Variants in TAB1 observed in about 807,000 individuals in gnomAD.
TAB1 encodes TGF-beta activated kinase 1 (MAP3K7) binding protein 1.
Under a neutral mutation model 54.5 loss-of-function variants are expected in TAB1, and 30 were observed. The observed-to-expected ratio is 0.55, with a 90% confidence interval of 0.41 to 0.75. The LOEUF (loss-of-function observed/expected upper bound fraction) is 0.75, where lower values mean the gene tolerates loss of function less well. Ranked by LOEUF, TAB1 falls within the 30% of genes least tolerant of loss-of-function variation. The pLI is 0.00. For missense variants in TAB1, 609 were observed against 683.2 expected (o/e 0.89, Z 1.21); for synonymous variants, 289 against 286.9 (o/e 1.01, Z -0.07).
chr22:39,435,357 C>A (rs1342544937), downstream of TAB1, among the ~76,000 whole-genome samples: 1 of 151,988 alleles, frequency 6.6e-6, no homozygotes, highest in African/African-American at 2.4e-5. Context: ...CCAGCAGGTC[C>A]CCGGCTGCCG....
Position 39,424,000 on chromosome 22 carries a change from A to C in TAB1, c.921+2029A>C, listed in dbSNP as rs141263497. Among the ~76,000 whole-genome samples the C allele has an allele frequency of 2.7e-3, 415 of 151,300 alleles. 2 individuals are homozygous for C. The highest frequency in any genetic ancestry group is 9.7e-3 in the African/African-American group (398 of 41,064). On this transcript the variant is annotated intron_variant, in intron 8 of 10. Transcript: ENST00000216160. Reference sequence around the variant, plus strand: ...TGTATAGTGTTTTATCCCTAGCACCACTGCCATCCTCCCGCCTTGAGTCTC... The same window carrying C: ...TGTATAGTGTTTTATCCCTAGCACCCCTGCCATCCTCCCGCCTTGAGTCTC...
chr22:39,414,357 G>T (rs189026748), intron 1 of TAB1, among the ~76,000 whole-genome samples: 1 of 152,292 alleles, frequency 6.6e-6, no homozygotes, highest in East Asian at 1.9e-4. Flanking sequence ...AGGACATCGG[G>T]GTGGCATGAG....
At chr22:39,422,006 G>A (rs1321853078) in intron 8 of TAB1, 35 bp downstream of exon 8, 3 of 1,494,806 alleles carry the variant, frequency 2.0e-6, no homozygotes, top group Non-Finnish European at 2.7e-6. Flanking sequence ...TGGCCGGAGA[G>A]CGTGGCTGGC....
downstream of TAB1, among the ~76,000 whole-genome samples, chr22:39,435,654 G>C (rs977870941): frequency 7.9e-5 from 12 of 152,188 alleles, no homozygotes; most frequent in African/African-American, 2.7e-4. Flanking sequence ...CCTGTGGGTG[G>C]TGGGCCCCCT....
Position 39,415,195 on chromosome 22 carries a change from G to T in TAB1, c.170+53G>T. The T allele has an allele frequency of 6.5e-7, 1 of 1,529,358 alleles. No homozygotes were observed. Among genetic ancestry groups the T allele is most frequent in the South Asian group, 1.3e-5 (1 of 78,154 alleles). 94.7% of individuals were successfully genotyped at this position (1,529,358 alleles called of 1,614,324 possible). On this transcript the variant is annotated intron_variant, in intron 2 of 10. Coordinates refer to ENST00000216160, the MANE Select transcript of TAB1 (RefSeq NM_006116.3). The surrounding 1 kb of genome is among the most constrained non-coding windows in gnomAD (Gnocchi z 4.9). Reference sequence around the variant, plus strand: ...GCCCGGGGAGTTGGTTGGTTTGCAAGCAAGGAAAGACACCGACCTTGCAGC... The same window carrying T: ...GCCCGGGGAGTTGGTTGGTTTGCAATCAAGGAAAGACACCGACCTTGCAGC...
chr22:39,426,253 G>C (rs1208773103), intron 8 of TAB1, among the ~76,000 whole-genome samples: 1 of 152,164 alleles, frequency 6.6e-6, no homozygotes, highest in African/African-American at 2.4e-5. Context: ...ACTTCTCTGA[G>C]GTCAGGGACC....
chr22:39,415,684 C>T lies in TAB1; in HGVS notation c.324+31C>T, dbSNP rs1926801847. 7 of 1,593,710 alleles carry T rather than the reference C, an allele frequency of 4.4e-6. No individual in the cohort carries two copies. Among genetic ancestry groups the T allele is most frequent in the Non-Finnish European group, 5.1e-6 (6 of 1,173,024 alleles). On this transcript the variant is annotated intron_variant, in intron 3 of 10. Coordinates refer to ENST00000216160, the MANE Select transcript of TAB1 (RefSeq NM_006116.3). This position sits in a 1 kb window ranked among gnomAD's most constrained non-coding sequence, Gnocchi z 4.9. ...GGTGCCGGGGCCAACAGTGACCCAG[C>T]CACATCATGTCCCCCACCCCAAGGC...
At chr22:39,402,119 C>T (rs1300801846) in intron 1 of TAB1, among the ~76,000 whole-genome samples, 1 of 152,064 alleles carries the variant, frequency 6.6e-6, no homozygotes, top group Non-Finnish European at 1.5e-5. Context: ...GTTTGCCAAG[C>T]AGAGGAGAGG....
intron 1 of TAB1, among the ~76,000 whole-genome samples, chr22:39,414,547 A>G (rs1230826620): frequency 6.6e-6 from 1 of 152,212 alleles, no homozygotes; most frequent in Admixed American, 6.5e-5. Context: ...CCTGCACTGC[A>G]GATGTCCCGG....
chr22:39,426,800 A>T lies in TAB1; in HGVS notation c.1019A>T (p.Asp340Val), dbSNP rs758345840. ...VVDRVKRIHSDTFASGGERAR... is the reference protein window; with the variant it reads ...VVDRVKRIHSVTFASGGERAR... ...GACCGGGTGAAGCGCATCCACAGCG[A>T]CACCTTCGCCAGTGGTGGGGAGCGT... The change falls in exon 9 of 11, where the codon GAC (aspartate) becomes GTC (valine). Residue 340 changes from aspartate to valine, a missense_variant. Transcript: ENST00000216160. 2.5e-6 allele frequency: 4 copies of T among 1,614,016 alleles called. No individual in the cohort carries two copies. The highest frequency in any genetic ancestry group is 3.4e-6 in the Non-Finnish European group (4 of 1,180,044).
At chr22:39,408,963 A>G (rs981191790) in intron 1 of TAB1, among the ~76,000 whole-genome samples, 4 of 152,214 alleles carry the variant, frequency 2.6e-5, no homozygotes, top group African/African-American at 9.6e-5. Flanking sequence ...CAGAGGAGGT[A>G]ACTGTGATTA....
At chr22:39,432,961 C>T, downstream of TAB1, 2 of 985,424 alleles carry the variant, frequency 2.0e-6, no homozygotes, top group Middle Eastern at 5.2e-4. Context: ...GTGAATGGCA[C>T]AGCGAGGCGA....
downstream of TAB1, chr22:39,433,045 T>TGGCC: frequency 1.0e-6 from 1 of 985,380 alleles, no homozygotes; most frequent in Non-Finnish European, 1.2e-6. Context: ...TGGGCCAAAG[T>TGGCC]GGCCCTCTCC....
Position 39,430,968 on chromosome 22 carries a change from C to T in TAB1, c.*746C>T, listed in dbSNP as rs757833527. On this transcript the variant is annotated 3_prime_UTR_variant, in exon 11 of 11. Coordinates refer to ENST00000216160, the MANE Select transcript of TAB1 (RefSeq NM_006116.3). ...GGCCCCGGTGGGCTGAGGCAGGGGCCGCTGTCGTCAGGCCTGAGCCAGGGT... is the reference window on the plus strand; with the variant it reads ...GGCCCCGGTGGGCTGAGGCAGGGGCTGCTGTCGTCAGGCCTGAGCCAGGGT... 6.9e-5 allele frequency: 68 copies of T among 986,778 alleles called. No homozygotes were observed. In the Admixed American group the frequency reaches 7.9e-4, roughly 11 times the overall value. The allele number at this position is 986,778 out of a possible 1,614,324, so 61.1% of individuals were successfully genotyped here.
chr22:39,400,908 C>T (rs1014636864), intron 1 of TAB1, among the ~76,000 whole-genome samples: 17 of 151,986 alleles, frequency 1.1e-4, no homozygotes, highest in African/African-American at 3.9e-4. Context: ...GTGGGGGCGC[C>T]TGTAGTCCCA....
rs1927104755 is a variant in TAB1, at chr22:39,421,857, G to A, written c.807G>A (p.Glu269=). 1.9e-6 allele frequency: 3 copies of A among 1,614,100 alleles called. No homozygotes were observed. Among genetic ancestry groups the A allele is most frequent in the Non-Finnish European group, 1.7e-6 (2 of 1,179,996 alleles). The change falls in exon 8 of 11, where the codon GAG becomes GAA. Residue 269 remains glutamate (E), a synonymous_variant. Coordinates refer to ENST00000216160, the MANE Select transcript of TAB1 (RefSeq NM_006116.3). ...SAAKSKPIIA[E]PEIHGAQPLD... ...CCAAGTCCAAACCAATCATCGCAGA[G>A]CCAGAAATCCATGGGGCACAGCCGC...
At chr22:39,411,491 TCA>T (rs1180834060) in intron 1 of TAB1, among the ~76,000 whole-genome samples, 1 of 152,160 alleles carries the variant, frequency 6.6e-6, no homozygotes, top group Non-Finnish European at 1.5e-5. Flanking sequence ...TGAAAGATAC[TCA>T]GTGTCGTTAG....
intron 1 of TAB1, among the ~76,000 whole-genome samples, chr22:39,402,391 C>G (rs971366268): frequency 6.6e-6 from 1 of 152,094 alleles, no homozygotes; most frequent in African/African-American, 2.4e-5. Flanking sequence ...TACTACAAGT[C>G]TATGTGTTGA....
intron 8 of TAB1, among the ~76,000 whole-genome samples, chr22:39,425,218 C>CA (rs571359345): frequency 0.056 from 6,935 of 124,334 alleles, 354 homozygotes; most frequent in African/African-American, 0.15. Flanking sequence ...ACTAAAAATA[C>CA]AAAAAAAAAA....
Sources: gnomAD v4.1 joint callset for allele counts (sites outside exome capture counted in the v4.1 genomes callset) on GRCh38, gnomAD v4.1.1 for gene constraint, Gnocchi (gnomAD v3.1) non-coding constraint, MANE v1.5 for transcripts, NCBI Gene and HGNC (gene_info 2026-07-23, HGNC 2026-07-21) for gene names.